Variants in MACROD2 observed in about 807,000 individuals in gnomAD.
The protein encoded by MACROD2 is ADP-ribose glycohydrolase MACROD2.
A neutral mutation model predicts 70.4 loss-of-function variants in MACROD2; 36 were observed. The ratio of observed to expected loss-of-function variants is 0.51; its 90% CI spans 0.39 to 0.68. The LOEUF (loss-of-function observed/expected upper bound fraction) is 0.68, where lower values mean the gene tolerates loss of function less well. MACROD2 is among the 30% of genes least tolerant of loss of function. The pLI is 0.00. For missense variants in MACROD2, 496 were observed against 538.4 expected (o/e 0.92, Z 0.78); for synonymous variants, 172 against 178.8 (o/e 0.96, Z 0.30).
At chr20:15,988,040 A>G (rs2147472555) in intron 15 of MACROD2, among the ~76,000 whole-genome samples, 1 of 152,302 alleles carries the variant, frequency 6.6e-6, no homozygotes, top group Non-Finnish European at 1.5e-5. Context: ...TTGTAAAATC[A>G]GGTCAATAGC....
intron 3 of MACROD2, among the ~76,000 whole-genome samples, chr20:14,321,040 A>T (rs1218620807): frequency 6.6e-6 from 1 of 152,096 alleles, no homozygotes; most frequent in Non-Finnish European, 1.5e-5. Flanking sequence ...TAGACAGCAC[A>T]CTTCTTGAAG....
intron 3 of MACROD2, among the ~76,000 whole-genome samples, chr20:14,268,066 T>A (rs2082158541): frequency 6.6e-6 from 1 of 152,118 alleles, no homozygotes; most frequent in African/African-American, 2.4e-5. Context: ...AAGAATATTA[T>A]AATGAAACCC....
intron 8 of MACROD2, among the ~76,000 whole-genome samples, chr20:15,842,350 C>A (rs1345179139): frequency 6.6e-6 from 1 of 151,986 alleles, no homozygotes; most frequent in Non-Finnish European, 1.5e-5. Context: ...CTTCATATTA[C>A]GCCCATTTAT....
chr20:14,029,502 T>C (rs2053221136), intron 2 of MACROD2, among the ~76,000 whole-genome samples: 1 of 152,200 alleles, frequency 6.6e-6, no homozygotes, highest in South Asian at 2.1e-4. Context: ...GGGGGCAAGA[T>C]GGGTAACTTC....
intron 5 of MACROD2, among the ~76,000 whole-genome samples, chr20:15,203,983 T>A (rs569855989): frequency 6.8e-4 from 103 of 152,218 alleles, no homozygotes; most frequent in South Asian, 8.3e-4. Flanking sequence ...TAAAATATTG[T>A]GCTTTGGGAA....
In MACROD2 at chr20:14,563,690, C is replaced by CT. The variant is rs745822050; in HGVS notation, c.301+70189dup. Among the ~76,000 whole-genome samples the CT allele has an allele frequency of 1.7e-3, 255 of 151,882 alleles. 2 individuals carry two copies. The highest frequency in any genetic ancestry group is 0.01 in the Middle Eastern group (3 of 294). On this transcript the variant is annotated intron_variant, in intron 4 of 17. Coordinates refer to ENST00000684519, the MANE Select transcript of MACROD2 (RefSeq NM_001351661.2). ...TCAATTCTATAATTTCTATTTGGTT[C>CT]TTTTTTTATAAGTTCTATTTCTTTT...
intron 8 of MACROD2, among the ~76,000 whole-genome samples, chr20:15,618,816 A>C (rs928519235): frequency 3.9e-5 from 6 of 152,166 alleles, no homozygotes; most frequent in Non-Finnish European, 8.8e-5. Flanking sequence ...GGGGACTTGC[A>C]ACAGAGAAAG....
intron 8 of MACROD2, among the ~76,000 whole-genome samples, chr20:15,636,938 G>T (rs1001516350): frequency 7.2e-4 from 110 of 152,250 alleles, no homozygotes; most frequent in African/African-American, 2.6e-3. Flanking sequence ...TCCAAGAACT[G>T]CCTGGGACAA....
chr20:14,143,233 T>C (rs982750694), intron 3 of MACROD2, among the ~76,000 whole-genome samples: 9 of 152,228 alleles, frequency 5.9e-5, no homozygotes, highest in African/African-American at 1.9e-4. Context: ...TACTTGTTTC[T>C]ACATTTTTAT....
chr20:14,240,216 G>A (rs2081916610), intron 3 of MACROD2, among the ~76,000 whole-genome samples: 1 of 152,138 alleles, frequency 6.6e-6, no homozygotes, highest in African/African-American at 2.4e-5. Flanking sequence ...GTAGAGTAAA[G>A]GGAATGCTTA....
Position 15,848,365 on chromosome 20 carries a change from GA to G in MACROD2, c.646-14379del, listed in dbSNP as rs1461230509. On this transcript the variant is annotated intron_variant, in intron 8 of 17. Transcript: ENST00000684519. ...CCAAAGTCACTGTACAAGCCAGGGG[GA>G]GGGGGGGGTCATCTTCCTCAAGGAT... Among the ~76,000 whole-genome samples the G allele has an allele frequency of 4.9e-3, 745 of 151,412 alleles. 7 individuals carry two copies. The highest frequency in any genetic ancestry group is 0.017 in the African/African-American group (683 of 40,790).
At chr20:15,064,559 A>G (rs1216588792) in intron 5 of MACROD2, among the ~76,000 whole-genome samples, 1 of 152,180 alleles carries the variant, frequency 6.6e-6, no homozygotes, top group Non-Finnish European at 1.5e-5. Context: ...TCATTCAGGT[A>G]AGTAACTTCG....
intron 2 of MACROD2, among the ~76,000 whole-genome samples, chr20:14,082,642 G>A (rs1033388855): frequency 6.6e-6 from 1 of 152,110 alleles, no homozygotes; most frequent in Non-Finnish European, 1.5e-5. Flanking sequence ...AGAGCTAAAA[G>A]CAGTTAAAGA....
intron 3 of MACROD2, among the ~76,000 whole-genome samples, chr20:14,437,365 C>T (rs1388447115): frequency 6.6e-6 from 1 of 152,046 alleles, no homozygotes; most frequent in Non-Finnish European, 1.5e-5. Flanking sequence ...GAAGCTGAGG[C>T]AGGTGAGTCA....
At chr20:15,829,485 T>A (rs758087101) in intron 8 of MACROD2, among the ~76,000 whole-genome samples, 1 of 152,128 alleles carries the variant, frequency 6.6e-6, no homozygotes, top group Non-Finnish European at 1.5e-5. Flanking sequence ...CTACGTGTAA[T>A]GACAACTGTG....
chr20:15,434,347 TA>T (rs1037592317), intron 7 of MACROD2, among the ~76,000 whole-genome samples: 1 of 144,604 alleles, frequency 6.9e-6, no homozygotes, highest in African/African-American at 2.5e-5. Context: ...AAAAATCCCA[TA>T]AAAAATGGGC....
intron 2 of MACROD2, among the ~76,000 whole-genome samples, chr20:14,062,138 C>T (rs2053697933): frequency 6.6e-6 from 1 of 152,008 alleles, no homozygotes; most frequent in African/African-American, 2.4e-5. Context: ...TGATATAAGC[C>T]TTTCTATTAT....
At chr20:15,594,449 T>G (rs2048720883) in intron 8 of MACROD2, among the ~76,000 whole-genome samples, 1 of 152,202 alleles carries the variant, frequency 6.6e-6, no homozygotes, top group Admixed American at 6.5e-5. Flanking sequence ...GAAGAATCTC[T>G]TTGATGTACA....
intron 3 of MACROD2, among the ~76,000 whole-genome samples, chr20:14,489,094 G>C (rs916750420): frequency 6.6e-5 from 10 of 152,168 alleles, no homozygotes; most frequent in African/African-American, 2.2e-4. Flanking sequence ...AAATTCTGTA[G>C]TAGCATGAAC....
Sources: allele counts gnomAD v4.1 joint callset (sites outside exome capture counted in the v4.1 genomes callset), GRCh38; gene constraint gnomAD v4.1.1; transcripts MANE v1.5; gene names NCBI Gene and HGNC (gene_info 2026-07-23, HGNC 2026-07-21).